Variants in BSDC1 observed in about 807,000 individuals in gnomAD.
BSDC1 encodes BSD domain-containing protein 1.
In BSDC1, 29 loss-of-function variants were observed where a neutral mutation model predicts 56.0. The observed-to-expected ratio is 0.52, with a 90% CI of 0.39 to 0.71. The LOEUF is 0.71. BSDC1 is among the 30% of genes least tolerant of loss of function. BSDC1 has a pLI of 0.00. For missense variants in BSDC1, 477 were observed against 548.5 expected, an observed-to-expected ratio of 0.87 and a Z score of 1.30; for synonymous variants, 210 against 215.3, an observed-to-expected ratio of 0.98 and a Z score of 0.21.
chr1:32,371,711 C>T (rs1642096303), intron 9 of BSDC1, among the ~76,000 whole-genome samples: 1 of 152,032 alleles, frequency 6.6e-6, no homozygotes, highest in African/African-American at 2.4e-5. Flanking sequence ...ACCTACTCCT[C>T]ACCAGATGCC....
At chr1:32,389,817 C>CA (rs1642804467) in intron 2 of BSDC1, among the ~76,000 whole-genome samples, 1 of 150,478 alleles carries the variant, frequency 6.6e-6, no homozygotes. Context: ...CACACAAATA[C>CA]AAAAAATTAG....
At chr1:32,384,253 C>A (rs572933498) in intron 3 of BSDC1, among the ~76,000 whole-genome samples, 1 of 152,198 alleles carries the variant, frequency 6.6e-6, no homozygotes, top group South Asian at 2.1e-4. Flanking sequence ...ATCAAAATTT[C>A]AAGGTCAGTC....
chr1:32,366,497 T>A lies in BSDC1; in HGVS notation c.*125A>T, dbSNP rs1641854798. 1.0e-6 allele frequency: 1 copy of A among 958,670 alleles called. No individual in the cohort carries two copies. The highest frequency in any genetic ancestry group is 2.0e-5 in the Admixed American group (1 of 50,250). The allele number at this position is 958,670 out of a possible 1,614,324, so 59.4% of individuals were successfully genotyped here. A position where few individuals can be genotyped will look rare whatever the true frequency, so the allele number is the denominator to read the frequency against. On this transcript the variant is annotated 3_prime_UTR_variant, in exon 11 of 11. Transcript: ENST00000455895. ...GGGCCAGCAGGGAGCCACCAGAATC[T>A]GTGCCCAGAGCTCTGGTTGGCAGAG...
intron 9 of BSDC1, among the ~76,000 whole-genome samples, chr1:32,373,570 G>A (rs926041093): frequency 1.3e-5 from 2 of 152,072 alleles, no homozygotes; most frequent in African/African-American, 4.8e-5. Flanking sequence ...CACCCAGGCT[G>A]GAGGGCAGTG....
chr1:32,375,463 G>A (rs575558784), intron 9 of BSDC1, among the ~76,000 whole-genome samples: 18 of 152,188 alleles, frequency 1.2e-4, no homozygotes, highest in Admixed American at 3.3e-4. Context: ...ATAATCAGCC[G>A]TCCCTGAAGT....
rs192255640 is a variant in BSDC1 at position 32,376,703 on chromosome 1, C to A, written c.715G>T (p.Ala239Ser). Residue 239 changes from alanine (A) to serine (S), a missense_variant, in exon 9 of 11, where the codon GCA becomes TCA. Transcript: ENST00000455895. ...GAAATTTTGGCCACAGGAACCTTTGCCTCTTTTGGAGATATGGGTGAAATG... is the reference window on the plus strand; with the variant it reads ...GAAATTTTGGCCACAGGAACCTTTGACTCTTTTGGAGATATGGGTGAAATG... ...MGISPISPKE[A>S]KVPVAKISTF... is the part of the protein sequence containing the mutation. 2.1e-6 allele frequency: 3 copies of A among 1,427,272 alleles called. No homozygotes were observed. The highest frequency in any genetic ancestry group is 2.8e-6 in the Non-Finnish European group (3 of 1,079,502). The allele number at this position is 1,427,272 out of a possible 1,614,324, so 88.4% of individuals were successfully genotyped here. A position where few individuals can be genotyped will look rare whatever the true frequency, so the allele number is the denominator to read the frequency against.
At position 32,366,499 on chromosome 1, in the gene BSDC1, T is replaced by C; in HGVS notation, c.*123A>G. 1 of 966,124 alleles carries C rather than the reference T, an allele frequency of 1.0e-6. No individual in the cohort carries two copies. Among genetic ancestry groups the C allele is most frequent in the Non-Finnish European group, 1.6e-6 (1 of 612,434 alleles). 59.8% of individuals were successfully genotyped at this position (966,124 alleles called of 1,614,324 possible). A position where few individuals can be genotyped will look rare whatever the true frequency, so the allele number is the denominator to read the frequency against. ...GCCAGCAGGGAGCCACCAGAATCTG[T>C]GCCCAGAGCTCTGGTTGGCAGAGGA... On this transcript the variant is annotated 3_prime_UTR_variant, in exon 11 of 11. Transcript: ENST00000455895.
chr1:32,384,686 C>T (rs952723435), intron 3 of BSDC1, among the ~76,000 whole-genome samples: 9 of 152,078 alleles, frequency 5.9e-5, no homozygotes, highest in African/African-American at 2.2e-4. Flanking sequence ...ACTATACAGA[C>T]CACACTGGTC....
At position 32,391,322 on chromosome 1, in the gene BSDC1, T is replaced by C. The variant is rs532311906; in HGVS notation, c.72+2758A>G. ...TTGAGGGTGGGGAGAGAGTTAAAGA[T>C]CCTGTTTGTTCACCTGAAGTTTCAA... On this transcript the variant is annotated intron_variant, in intron 2 of 10. Coordinates refer to ENST00000455895, the MANE Select transcript of BSDC1 (RefSeq NM_018045.8). Among the ~76,000 whole-genome samples the C allele has an allele frequency of 3.2e-4, 49 of 152,248 alleles. No homozygotes were observed. The South Asian group carries it at 5.0e-3, about 15-fold the overall frequency.
chr1:32,384,365 T>C (rs975330111), intron 3 of BSDC1, among the ~76,000 whole-genome samples: 1 of 152,198 alleles, frequency 6.6e-6, no homozygotes, highest in Non-Finnish European at 1.5e-5. Flanking sequence ...GCTTCGGAGT[T>C]AGACAAAGCT....
intron 9 of BSDC1, among the ~76,000 whole-genome samples, chr1:32,371,324 T>G (rs1487762612): frequency 2.0e-5 from 3 of 148,926 alleles, no homozygotes; most frequent in Non-Finnish European, 3.0e-5. Flanking sequence ...TTTTTTTTTT[T>G]TTATTTGAGA....
At chr1:32,366,841 C>T (rs1641872779) in intron 10 of BSDC1, 187 bp from the exon 11 acceptor site, 1 of 1,332,430 alleles carries the variant, frequency 7.5e-7, no homozygotes, top group Non-Finnish European at 9.6e-7. Flanking sequence ...TGCCCTCTGC[C>T]TGAGGGGTGG....
At chr1:32,379,716 G>A (rs1217900830) in intron 5 of BSDC1, among the ~76,000 whole-genome samples, 3 of 152,104 alleles carry the variant, frequency 2.0e-5, no homozygotes, top group South Asian at 2.1e-4. Flanking sequence ...TCAACCTTCC[G>A]AATAGCTGAG....
In BSDC1 at chr1:32,394,399, C is replaced by T. The variant is rs1642981681; in HGVS notation, c.11+5G>A. The T allele has an allele frequency of 1.2e-6, 2 of 1,614,072 alleles. No individual in the cohort carries two copies. The highest frequency in any genetic ancestry group is 1.7e-5 in the Admixed American group (1 of 60,006). ...CAACGCCTAGGAGCAAAACGACAAG[C>T]TCACCCTTCCGCCATCTTGCCTGCA... On this transcript the variant is annotated splice_donor_5th_base_variant and intron_variant, in intron 1 of 10. Coordinates refer to ENST00000455895, the MANE Select transcript of BSDC1 (RefSeq NM_018045.8).
chr1:32,392,265 G>A (rs1451146716), intron 2 of BSDC1, among the ~76,000 whole-genome samples: 2 of 152,152 alleles, frequency 1.3e-5, no homozygotes, highest in Middle Eastern at 3.2e-3. Context: ...TCAGGAGGCG[G>A]AAGTTGCAGA....
In BSDC1 at chr1:32,378,579, G is replaced by T; in HGVS notation, c.528+145C>A. The T allele has an allele frequency of 1.5e-6, 1 of 670,718 alleles. No individual in the cohort carries two copies. Among genetic ancestry groups the T allele is most frequent in the Non-Finnish European group, 2.5e-6 (1 of 394,246 alleles). 41.5% of individuals were successfully genotyped at this position (670,718 alleles called of 1,614,324 possible). On this transcript the variant is annotated intron_variant, in intron 6 of 10. Transcript: ENST00000455895. This position sits in a 1 kb window ranked among gnomAD's most constrained non-coding sequence, Gnocchi z 5.2. ...CCAGCTTCTCCCATGTGGGGTCTTG[G>T]CTCAGGACACAGCTGGTCTGGCTCT...
At chr1:32,379,586 T>C (rs1016142402) in intron 5 of BSDC1, among the ~76,000 whole-genome samples, 3 of 152,176 alleles carry the variant, frequency 2.0e-5, no homozygotes, top group Non-Finnish European at 4.4e-5. Context: ...TCACACTTCC[T>C]CAGTGTCTCC....
At chr1:32,374,707 G>T (rs1021744878) in intron 9 of BSDC1, 1 of 152,198 alleles carries the variant, frequency 6.6e-6, no homozygotes, top group African/African-American at 2.4e-5. Context: ...TCTCCTATAC[G>T]AGGCTTGTCT....
intron 3 of BSDC1, among the ~76,000 whole-genome samples, chr1:32,385,998 C>T (rs1642650836): frequency 6.6e-6 from 1 of 152,062 alleles, no homozygotes; most frequent in Non-Finnish European, 1.5e-5. Context: ...CCACTTACTA[C>T]ACTCTAGAAT....
Sources: gnomAD v4.1 joint callset for allele counts (sites outside exome capture counted in the v4.1 genomes callset) on GRCh38, gnomAD v4.1.1 for gene constraint, Gnocchi (gnomAD v3.1) non-coding constraint, MANE v1.5 for transcripts, NCBI Gene and HGNC (gene_info 2026-07-23, HGNC 2026-07-21) for gene names.